The following ALK variants were observed in gnomAD, a reference collection of about 807,000 sequenced individuals.
ALK encodes ALK tyrosine kinase receptor.
ALK carries 74 observed loss-of-function variants against 163.1 expected under a neutral mutation model. The ratio of observed to expected loss-of-function variants is 0.45; its 90% confidence interval spans 0.38 to 0.55. The LOEUF (loss-of-function observed/expected upper bound fraction) is 0.55. ALK is among the 20% of genes least tolerant of loss of function. The pLI, the probability that ALK is intolerant of heterozygous loss-of-function variation, is 0.00. For missense variants in ALK, 2,063 were observed against 2,105.3 expected (o/e 0.98, Z 0.39); for synonymous variants, 960 against 843.2 (o/e 1.14, Z -2.40).
rs1398262103 is a variant in ALK at position 29,288,999 on chromosome 2, T to TAAAG, written c.1817+7888_1817+7889insCTTT. On this transcript the variant is annotated intron_variant, in intron 9 of 28. Transcript: ENST00000389048. ...ATAAATAAATAAATAAATAAATAAA[T>TAAAG]AAAAGAAAATTGTGTTTTGAATCCT... 1.5e-3 allele frequency among the ~76,000 whole-genome samples: 184 copies of TAAAG among 124,316 alleles called. 1 individual carries two copies. The highest frequency in any genetic ancestry group is 4.4e-3 in the Middle Eastern group (1 of 226). The allele number at this position is 124,316 out of a possible 152,430, so 81.6% of individuals were successfully genotyped here. A position where few individuals can be genotyped will look rare whatever the true frequency, so the allele number is the denominator to read the frequency against.
intron 1 of ALK, among the ~76,000 whole-genome samples, chr2:29,810,222 G>A (rs547255843): frequency 2.6e-5 from 4 of 152,204 alleles, no homozygotes; most frequent in African/African-American, 7.2e-5. Context: ...AGGAGCTCGA[G>A]ACCAGCCTGG....
intron 3 of ALK, among the ~76,000 whole-genome samples, chr2:29,554,926 A>G (rs570257046): frequency 9.8e-5 from 15 of 152,328 alleles, no homozygotes; most frequent in African/African-American, 3.6e-4. Flanking sequence ...CACCAGCACC[A>G]TGACAGTTTA....
chr2:29,667,771 G>A (rs993461878), intron 3 of ALK, among the ~76,000 whole-genome samples: 13 of 152,038 alleles, frequency 8.6e-5, no homozygotes, highest in African/African-American at 2.2e-4. Flanking sequence ...TCCTTGTCTG[G>A]TTTTGCTATC....
chr2:29,635,348 A>AGAT (rs1241593332), intron 3 of ALK, among the ~76,000 whole-genome samples: 2 of 152,240 alleles, frequency 1.3e-5, no homozygotes, highest in Non-Finnish European at 2.9e-5. Flanking sequence ...GTATTAACCT[A>AGAT]GATGATCCAG....
At chr2:29,776,814 A>C (rs1238531221) in intron 1 of ALK, among the ~76,000 whole-genome samples, 1 of 152,140 alleles carries the variant, frequency 6.6e-6, no homozygotes, top group Non-Finnish European at 1.5e-5. Flanking sequence ...CAAAAGAAAG[A>C]AAAAAGAAAA....
intron 11 of ALK, among the ~76,000 whole-genome samples, chr2:29,252,226 C>T (rs893336889): frequency 4.7e-5 from 7 of 148,726 alleles, no homozygotes; most frequent in Admixed American, 6.8e-5. Flanking sequence ...TGAGCCAGAC[C>T]AAACCTTGGG....
At chr2:29,590,348 G>C (rs1675014299) in intron 3 of ALK, among the ~76,000 whole-genome samples, 1 of 152,112 alleles carries the variant, frequency 6.6e-6, no homozygotes, top group South Asian at 2.1e-4. Flanking sequence ...CTTGTTTTCA[G>C]TTGACCATTT....
At chr2:29,528,615 G>T (rs1005807466) in intron 4 of ALK, among the ~76,000 whole-genome samples, 3 of 152,112 alleles carry the variant, frequency 2.0e-5, no homozygotes, top group Non-Finnish European at 1.5e-5. Flanking sequence ...TTTGGCACCT[G>T]CCACACAAGA....
chr2:29,197,715 ACACC>A, intron 26 of ALK, 39 bp from the exon 27 acceptor site: 3 of 1,524,874 alleles, frequency 2.0e-6, no homozygotes, highest in Non-Finnish European at 2.7e-6. Flanking sequence ...GGATATAGAC[ACACC>A]CACCCACATT....
intron 2 of ALK, among the ~76,000 whole-genome samples, chr2:29,706,683 C>T (rs564999761): frequency 1.2e-4 from 19 of 152,234 alleles, no homozygotes; most frequent in African/African-American, 4.1e-4. Flanking sequence ...GAGATACACA[C>T]GGAAAGCTGA....
chr2:29,752,981 CA>C (rs1011864816), intron 1 of ALK, among the ~76,000 whole-genome samples: 27 of 152,144 alleles, frequency 1.8e-4, no homozygotes, highest in African/African-American at 6.0e-4. Context: ...CCCAGGGTCA[CA>C]GGTTTATCTC....
chr2:29,705,038 T>TG (rs1440645022), intron 2 of ALK, among the ~76,000 whole-genome samples: 1 of 151,152 alleles, frequency 6.6e-6, no homozygotes, highest in East Asian at 1.9e-4. Flanking sequence ...GCCAACATAG[T>TG]GAAACCCCGT....
At chr2:29,635,322 A>C (rs1158414669) in intron 3 of ALK, among the ~76,000 whole-genome samples, 3 of 152,230 alleles carry the variant, frequency 2.0e-5, no homozygotes, top group Admixed American at 6.5e-5. Context: ...GTTAAATTAA[A>C]GATCTTGACA....
At chr2:29,574,809 T>G (rs762954947) in intron 3 of ALK, among the ~76,000 whole-genome samples, 97 of 152,290 alleles carry the variant, frequency 6.4e-4, no homozygotes, top group Non-Finnish European at 1.1e-3. Flanking sequence ...AAGCCCGCAT[T>G]TTCTGCTCTG....
intron 4 of ALK, among the ~76,000 whole-genome samples, chr2:29,421,107 G>C (rs1670005639): frequency 6.6e-6 from 1 of 151,470 alleles, no homozygotes; most frequent in South Asian, 2.1e-4. Flanking sequence ...GCTTCCAAAG[G>C]GGAGATTGGC....
intron 13 of ALK, among the ~76,000 whole-genome samples, chr2:29,235,986 G>A (rs1664367458): frequency 6.8e-6 from 1 of 147,808 alleles, no homozygotes; most frequent in Admixed American, 6.9e-5. Flanking sequence ...GGGAGTACAG[G>A]TACGAAATAC....
chr2:29,846,755 C>T (rs1665852868), intron 1 of ALK, among the ~76,000 whole-genome samples: 1 of 152,214 alleles, frequency 6.6e-6, no homozygotes, highest in African/African-American at 2.4e-5. Context: ...ATCATATTAG[C>T]CACACTTGTT....
intron 4 of ALK, among the ~76,000 whole-genome samples, chr2:29,519,178 G>A (rs1464136367): frequency 1.3e-5 from 2 of 152,210 alleles, no homozygotes; most frequent in Non-Finnish European, 2.9e-5. Context: ...TTCTACCTGG[G>A]AGCTAAAGCT....
chr2:29,710,369 C>T (rs888811724), intron 2 of ALK, among the ~76,000 whole-genome samples: 5 of 152,128 alleles, frequency 3.3e-5, no homozygotes, highest in African/African-American at 1.2e-4. Flanking sequence ...TCCTGGTTCT[C>T]CTCCTGTCTC....
Sources: gnomAD v4.1 joint callset for allele counts (sites outside exome capture counted in the v4.1 genomes callset) on GRCh38, gnomAD v4.1.1 for gene constraint, MANE v1.5 for transcripts, NCBI Gene and HGNC (gene_info 2026-07-23, HGNC 2026-07-21) for gene names.